The following CAST variants were observed in gnomAD, a reference collection of about 807,000 sequenced individuals.
CAST encodes the protein calpastatin.
A neutral mutation model predicts 119.6 loss-of-function variants in CAST; 76 were observed. That is an observed-to-expected ratio of 0.64 (90% CI 0.53 to 0.77). CAST has a LOEUF of 0.77. Ranked by LOEUF, CAST falls within the 30% of genes least tolerant of loss-of-function variation. The pLI is 0.00. For missense variants in CAST, 953 were observed against 946.5 expected (o/e 1.01, Z -0.09); for synonymous variants, 319 against 331.6 (o/e 0.96, Z 0.41).
chr5:96,663,343 G>C (rs1444709579), intron 1 of CAST, among the ~76,000 whole-genome samples: 7 of 152,214 alleles, frequency 4.6e-5, no homozygotes, highest in Non-Finnish European at 1.0e-4. Flanking sequence ...GGGAGAGGCA[G>C]GGGACTCACC....
At chr5:96,479,155 G>T in the CAST span, among the ~76,000 whole-genome samples, 2 of 152,170 alleles carry the variant, frequency 1.3e-5, no homozygotes, top group Admixed American at 1.3e-4. Context: ...GCTGACACCT[G>T]CTTAGTACAG....
At chr5:96,127,164 A>G in the CAST span, among the ~76,000 whole-genome samples, 23 of 152,188 alleles carry the variant, frequency 1.5e-4, no homozygotes, top group African/African-American at 5.3e-4. Context: ...ATTTGCAATC[A>G]CCTCTGATAA....
At chr5:96,390,404 A>C in the CAST span, 1 of 152,218 alleles carries the variant, frequency 6.6e-6, no homozygotes, top group Non-Finnish European at 1.5e-5. Flanking sequence ...ATTTATAAGC[A>C]TATTTTACAT....
intron 3 of CAST, among the ~76,000 whole-genome samples, chr5:96,699,836 A>G (rs1753681468): frequency 6.6e-6 from 1 of 152,228 alleles, no homozygotes; most frequent in African/African-American, 2.4e-5. Context: ...ATGACAAAGG[A>G]AAACAGGAGA....
chr5:96,682,000 G>A (rs1751489862), intron 2 of CAST, among the ~76,000 whole-genome samples: 2 of 152,088 alleles, frequency 1.3e-5, no homozygotes, highest in Admixed American at 1.3e-4. Context: ...TTGTATTACA[G>A]TATATTGCTA....
rs1183259180 is a variant in CAST, at chr5:96,574,203, G to T, written c.60+44323G>T. Among the ~76,000 whole-genome samples the T allele has an allele frequency of 1.7e-3, 53 of 31,880 alleles. 20 individuals carry two copies. The highest frequency in any genetic ancestry group is 7.2e-4 in the Admixed American group (2 of 2,774). 20.9% of individuals were successfully genotyped at this position (31,880 alleles called of 152,430 possible). A position where few individuals can be genotyped will look rare whatever the true frequency, so the allele number is the denominator to read the frequency against. ...CTCCCCAGTAGCTGGGACTACAGGC[G>T]CCCGCCACCGCGCCCGGCTAATTTT... is the stretch of plus-strand genomic sequence containing the variant. On this transcript the variant is annotated intron_variant, in intron 1 of 11. Coordinates refer to the CAST transcript ENST00000505143.
chr5:96,462,115 C>T, the CAST span, among the ~76,000 whole-genome samples: 1 of 152,058 alleles, frequency 6.6e-6, no homozygotes, highest in Non-Finnish European at 1.5e-5. Flanking sequence ...CGGACTCTTC[C>T]CAACCAGGTT....
At chr5:96,292,616 T>C in the CAST span, among the ~76,000 whole-genome samples, 702 of 152,348 alleles carry the variant, frequency 4.6e-3, 10 homozygotes, top group African/African-American at 0.014. Context: ...GGTGATTATG[T>C]TGATTTTGGA....
chr5:96,717,934 A>G (rs2150383675), intron 3 of CAST, among the ~76,000 whole-genome samples: 1 of 152,350 alleles, frequency 6.6e-6, no homozygotes, highest in South Asian at 2.1e-4. Context: ...AAATAAGGGT[A>G]AGGATGGCAA....
intron 1 of CAST, among the ~76,000 whole-genome samples, chr5:96,619,025 G>C (rs985481805): frequency 3.3e-5 from 5 of 151,654 alleles, no homozygotes; most frequent in African/African-American, 1.2e-4. Flanking sequence ...GGATGCATCA[G>C]TCAGCACTCT....
At chr5:96,529,965 C>T (rs1745660991) in intron 1 of CAST, 1 of 286,536 alleles carries the variant, frequency 3.5e-6, no homozygotes, top group Non-Finnish European at 7.0e-6. Flanking sequence ...AGAATACAGC[C>T]ATTCTATATA....
the CAST span, chr5:96,394,769 A>G: frequency 9.2e-7 from 1 of 1,083,732 alleles, no homozygotes; most frequent in Non-Finnish European, 1.4e-6. Context: ...TCCATGTTTG[A>G]CTTATTTCCT....
intron 1 of CAST, among the ~76,000 whole-genome samples, chr5:96,560,277 G>A (rs148999465): frequency 0.34 from 51,177 of 150,950 alleles, 9,298 homozygotes; most frequent in Middle Eastern, 0.46. Flanking sequence ...AGGCAATACC[G>A]TTCAGGACAT....
chr5:96,398,330 TG>T, the CAST span, among the ~76,000 whole-genome samples: 2 of 152,340 alleles, frequency 1.3e-5, no homozygotes, highest in Non-Finnish European at 2.9e-5. Context: ...GGTTAGATTA[TG>T]GCTTATGGTT....
chr5:96,671,811 G>C (rs1030143184), intron 1 of CAST, among the ~76,000 whole-genome samples: 2 of 152,256 alleles, frequency 1.3e-5, no homozygotes, highest in East Asian at 3.9e-4. Context: ...TTCTCTCTTC[G>C]CTCTTTAGAA....
chr5:96,747,240 A>G (rs1470698514), intron 17 of CAST, 105 bp from the exon 18 acceptor site: 4 of 679,140 alleles, frequency 5.9e-6, no homozygotes, highest in African/African-American at 3.7e-5. Context: ...CTAAGAAAAA[A>G]ATTAGCTGAC....
At chr5:96,296,994 T>C in the CAST span, among the ~76,000 whole-genome samples, 5 of 152,204 alleles carry the variant, frequency 3.3e-5, no homozygotes, top group Non-Finnish European at 7.3e-5. Flanking sequence ...TGAATTGTTT[T>C]TATGTCTTCT....
At chr5:96,563,890 T>C (rs1746426633) in intron 1 of CAST, among the ~76,000 whole-genome samples, 1 of 152,226 alleles carries the variant, frequency 6.6e-6, no homozygotes. Flanking sequence ...AGTGTTTCCT[T>C]GCCTTTTGCT....
the CAST span, among the ~76,000 whole-genome samples, chr5:96,390,091 G>A: frequency 6.6e-6 from 1 of 152,188 alleles, no homozygotes; most frequent in African/African-American, 2.4e-5. Context: ...GTTTAGTTTA[G>A]TTTAGATAGT....
Sources: gnomAD v4.1 joint callset for allele counts (sites outside exome capture counted in the v4.1 genomes callset) on GRCh38, gnomAD v4.1.1 for gene constraint, MANE v1.5 for transcripts, NCBI Gene and HGNC (gene_info 2026-07-23, HGNC 2026-07-21) for gene names.